ACOXL: variants seen among roughly 807,000 people sequenced by gnomAD.
The protein encoded by ACOXL is acyl-coenzyme A oxidase-like protein.
ACOXL carries 70 observed loss-of-function variants against 71.9 expected under a neutral mutation model. That is an observed-to-expected ratio of 0.97 (90% confidence interval 0.80 to 1.19). The LOEUF is 1.19. Ranked by LOEUF, ACOXL falls within the 50% of genes most tolerant of loss-of-function variation. The pLI is 0.00. For missense variants in ACOXL, 703 were observed against 736.3 expected, an observed-to-expected ratio of 0.95 and a Z score of 0.52; for synonymous variants, 253 against 281.6, an observed-to-expected ratio of 0.90 and a Z score of 1.02.
intron 12 of ACOXL, among the ~76,000 whole-genome samples, chr2:110,970,400 A>G (rs1234522343): frequency 6.6e-6 from 1 of 152,246 alleles, no homozygotes; most frequent in Non-Finnish European, 1.5e-5. Context: ...TCACATGATC[A>G]TGTCAGTTTA....
chr2:110,886,140 C>A (rs891434887), intron 10 of ACOXL, among the ~76,000 whole-genome samples: 2 of 152,174 alleles, frequency 1.3e-5, no homozygotes, highest in Non-Finnish European at 2.9e-5. Context: ...CGTGTGCACA[C>A]GAAGGCACAT....
At chr2:110,912,430 C>T (rs573306872) in intron 11 of ACOXL, among the ~76,000 whole-genome samples, 28 of 152,182 alleles carry the variant, frequency 1.8e-4, no homozygotes, top group Middle Eastern at 3.4e-3. Context: ...CACAGGTCAA[C>T]AGAATTAAAT....
At chr2:110,838,337 G>A (rs1056411939) in intron 9 of ACOXL, among the ~76,000 whole-genome samples, 1 of 152,138 alleles carries the variant, frequency 6.6e-6, no homozygotes, top group African/African-American at 2.4e-5. Context: ...TGTGTGCAGT[G>A]TACATGTGCT....
intron 9 of ACOXL, among the ~76,000 whole-genome samples, chr2:110,824,157 G>A (rs1688921410): frequency 6.6e-6 from 1 of 152,164 alleles, no homozygotes; most frequent in Admixed American, 6.5e-5. Context: ...TACAAATATA[G>A]TCAACTCAGT....
intron 10 of ACOXL, chr2:110,887,218 A>T (rs1480766229): frequency 9.8e-6 from 2 of 204,284 alleles, no homozygotes; most frequent in African/African-American, 4.6e-5. Flanking sequence ...TACACAATGC[A>T]TCAAAATTCT....
chr2:111,077,353 T>G (rs1574686597), intron 16 of ACOXL, among the ~76,000 whole-genome samples: 1 of 152,166 alleles, frequency 6.6e-6, no homozygotes, highest in Non-Finnish European at 1.5e-5. Context: ...TCCTCTCCCC[T>G]CTTTCTGTCA....
At chr2:110,856,798 G>T (rs1341511296) in intron 10 of ACOXL, among the ~76,000 whole-genome samples, 2 of 152,162 alleles carry the variant, frequency 1.3e-5, no homozygotes, top group Non-Finnish European at 2.9e-5. Flanking sequence ...ATGTATCCCC[G>T]GTACAGAAGG....
chr2:110,961,900 G>GA (rs2061711295), intron 12 of ACOXL, among the ~76,000 whole-genome samples: 1 of 152,160 alleles, frequency 6.6e-6, no homozygotes, highest in Non-Finnish European at 1.5e-5. Context: ...GAGCAGGGCA[G>GA]AAAAAACCCA....
chr2:111,040,409 CGG>C (rs1553463176), intron 15 of ACOXL, among the ~76,000 whole-genome samples: 1 of 152,204 alleles, frequency 6.6e-6, no homozygotes, highest in Non-Finnish European at 1.5e-5. Flanking sequence ...AGTTATCCTT[CGG>C]AAACAATCCT....
intron 4 of ACOXL, 72 bp from the exon 5 acceptor site, chr2:110,794,004 T>A (rs1559269600): frequency 6.8e-7 from 1 of 1,470,000 alleles, no homozygotes; most frequent in Non-Finnish European, 9.5e-7. Flanking sequence ...CCATTCTTAA[T>A]GGTCCGAGGG....
In ACOXL at chr2:110,846,161, T is replaced by C. The variant is rs12614730; in HGVS notation, c.788+4756T>C. ...CTAAATCTAAGACCAGATTTGGAAT[T>C]TGGAAGCAGATCAGATCTGCTTCCA... On this transcript the variant is annotated intron_variant, in intron 10 of 17. Transcript: ENST00000439055. 7.5e-4 allele frequency among the ~76,000 whole-genome samples: 114 copies of C among 152,166 alleles called. 4 individuals carry two copies. In the East Asian group the frequency reaches 0.017, roughly 23 times the overall value.
intron 10 of ACOXL, among the ~76,000 whole-genome samples, chr2:110,893,417 T>C (rs1019888979): frequency 5.9e-5 from 9 of 152,204 alleles, no homozygotes; most frequent in Admixed American, 5.2e-4. Flanking sequence ...TATTTTACTT[T>C]GTTGAATTAG....
intron 17 of ACOXL, among the ~76,000 whole-genome samples, chr2:111,111,274 A>G (rs950457270): frequency 6.6e-6 from 1 of 151,810 alleles, no homozygotes; most frequent in Non-Finnish European, 1.5e-5. Flanking sequence ...TAATTTTTGT[A>G]TTTTTTGTAG....
At chr2:111,074,906 G>A (rs1331743932) in intron 16 of ACOXL, among the ~76,000 whole-genome samples, 1 of 152,148 alleles carries the variant, frequency 6.6e-6, no homozygotes, top group Non-Finnish European at 1.5e-5. Flanking sequence ...TTTTGAGTAT[G>A]CAACTGGCCT....
intron 9 of ACOXL, among the ~76,000 whole-genome samples, chr2:110,807,689 G>A (rs1013575459): frequency 3.3e-5 from 5 of 152,162 alleles, no homozygotes; most frequent in African/African-American, 7.2e-5. Context: ...GACCCGGGCC[G>A]CTGTGATCTC....
chr2:111,012,470 A>C (rs1397616985), intron 14 of ACOXL, among the ~76,000 whole-genome samples: 1 of 152,212 alleles, frequency 6.6e-6, no homozygotes, highest in Non-Finnish European at 1.5e-5. Context: ...GAAGATGTGA[A>C]TAACACTGTC....
Position 110,933,453 on chromosome 2 carries a change from G to A in ACOXL, c.906-36G>A, listed in dbSNP as rs533790599. ...CCTTCACACATGTGCTGACTGCACC[G>A]CCACTTCCATCACACATGTCTGCTT... On this transcript the variant is annotated intron_variant, in intron 11 of 17. Coordinates refer to ENST00000439055, the MANE Select transcript of ACOXL (RefSeq NM_001142807.4). 97 of 1,597,048 alleles carry A rather than the reference G, an allele frequency of 6.1e-5. 2 individuals are homozygous for A. The South Asian group carries it at 1.0e-3, about 17-fold the overall frequency.
At chr2:110,997,412 C>T (rs2063446405) in intron 14 of ACOXL, among the ~76,000 whole-genome samples, 2 of 152,104 alleles carry the variant, frequency 1.3e-5, no homozygotes, top group South Asian at 2.1e-4. Context: ...ATGTGAGCAA[C>T]AAGACAGAAA....
At chr2:110,769,474 AC>A (rs1681589654) in intron 2 of ACOXL, among the ~76,000 whole-genome samples, 1 of 151,480 alleles carries the variant, frequency 6.6e-6, no homozygotes, top group Non-Finnish European at 1.5e-5. Flanking sequence ...ACATGGTGAA[AC>A]CCTGTCTCCA....
Sources: gnomAD v4.1 joint callset for allele counts (sites outside exome capture counted in the v4.1 genomes callset) on GRCh38, gnomAD v4.1.1 for gene constraint, MANE v1.5 for transcripts, NCBI Gene and HGNC (gene_info 2026-07-23, HGNC 2026-07-21) for gene names.